ADAD2: variants seen among roughly 807,000 people sequenced by gnomAD.
The protein encoded by ADAD2 is adenosine deaminase domain-containing protein 2.
Under a neutral mutation model 54.5 loss-of-function variants are expected in ADAD2, and 60 were observed. The ratio of observed to expected loss-of-function variants is 1.10; its 90% CI spans 0.89 to 1.36. The LOEUF is 1.36. ADAD2 is among the 40% of genes most tolerant of loss of function. The pLI, the probability that ADAD2 is intolerant of heterozygous loss-of-function variation, is 0.00. For synonymous variants in ADAD2, 543 were observed against 366.2 expected, an observed-to-expected ratio of 1.48 and a Z score of -5.51; for missense variants, 1,103 against 801.3, an observed-to-expected ratio of 1.38 and a Z score of -4.54.
intron 1 of ADAD2, 67 bp downstream of exon 1, chr16:84,191,715 G>A: frequency 6.5e-7 from 1 of 1,537,252 alleles, no homozygotes; most frequent in Non-Finnish European, 8.7e-7. Context: ...CCCAGGACGT[G>A]GGGAGCAGGG....
intron 1 of ADAD2, chr16:84,193,844 C>A (rs191653737): frequency 2.3e-4 from 167 of 736,700 alleles, no homozygotes; most frequent in Non-Finnish European, 3.2e-4. Context: ...AATGGGTTCC[C>A]TTCCAAAAGG....
chr16:84,196,872 T>C lies in ADAD2; in HGVS notation c.1650T>C (p.Ala550=). The change falls in exon 10 of 10, where the codon GCT becomes GCC. Residue 550 remains alanine, a splice_region_variant and synonymous_variant. Transcript: ENST00000315906. The part of the protein sequence containing the change: ...LALKTYEAAK[A]GPYQEARRQL... ...CCACCTCTCATCTCCCGCCCTAGGC[T>C]GGGCCCTACCAGGAGGCTCGCAGGC... is the stretch of plus-strand genomic sequence containing the variant. 6.3e-7 allele frequency: 1 copy of C among 1,593,982 alleles called. No individual in the cohort carries two copies. Among genetic ancestry groups the C allele is most frequent in the South Asian group, 1.1e-5 (1 of 88,472 alleles).
chr16:84,194,365 G>A lies in ADAD2; in HGVS notation c.419-77G>A, dbSNP rs1392914092. 2.6e-6 allele frequency: 4 copies of A among 1,559,958 alleles called. No individual in the cohort carries two copies. The African/African-American group carries it at 5.4e-5, about 21-fold the overall frequency. On this transcript the variant is annotated intron_variant, in intron 1 of 9. Transcript: ENST00000315906. Reference sequence around the variant, plus strand: ...ATTCTGACCGTCCTCGATATCAGGTGTCAGGAGGAGGCAGAGGTGGTACCT... The same window carrying A: ...ATTCTGACCGTCCTCGATATCAGGTATCAGGAGGAGGCAGAGGTGGTACCT...
rs1223960425 is a variant in ADAD2, at chr16:84,196,866, C to T, written c.1648-4C>T. 6.3e-7 allele frequency: 1 copy of T among 1,592,088 alleles called. No individual in the cohort carries two copies. Reference sequence around the variant, plus strand: ...CTCACCCCACCTCTCATCTCCCGCCCTAGGCTGGGCCCTACCAGGAGGCTC... The same window carrying T: ...CTCACCCCACCTCTCATCTCCCGCCTTAGGCTGGGCCCTACCAGGAGGCTC... On this transcript the variant is annotated splice_polypyrimidine_tract_variant and splice_region_variant and intron_variant, in intron 9 of 9. Coordinates refer to ENST00000315906, the MANE Select transcript of ADAD2 (RefSeq NM_001145400.2).
In ADAD2 at chr16:84,195,303, G is replaced by C. The variant is rs374108586; in HGVS notation, c.741G>C (p.Pro247=). 16 of 1,611,180 alleles carry C rather than the reference G, an allele frequency of 9.9e-6. No homozygotes were observed. The highest frequency in any genetic ancestry group is 1.3e-5 in the Non-Finnish European group (15 of 1,179,806). ...CTGCCCCCTCCTGCACAGAGATCCC[G>C]CGTGCCAGGGGCCACGTGAAGGAGA... is the stretch of plus-strand genomic sequence containing the variant. ...VAGVILEREI[P]RARGHVKEIY... is the part of the protein sequence containing the mutation. Residue 247 remains proline (P), a synonymous_variant, in exon 5 of 10, where the codon CCG becomes CCC. Coordinates refer to ENST00000315906, the MANE Select transcript of ADAD2 (RefSeq NM_001145400.2).
Position 84,196,213 on chromosome 16 carries a change from C to T in ADAD2, c.1369C>T (p.Pro457Ser), listed in dbSNP as rs1271089923. Residue 457 changes from proline to serine, a missense_variant, in exon 8 of 10, where the codon CCT becomes TCT. Coordinates refer to ENST00000315906, the MANE Select transcript of ADAD2 (RefSeq NM_001145400.2). Reference sequence around the variant, plus strand: ...CAGTGTCCTGGGGCCATGCCTGCCACCTCCCTACGTCCGGACCGCCCTGCA... The same window carrying T: ...CAGTGTCCTGGGGCCATGCCTGCCATCTCCCTACGTCCGGACCGCCCTGCA... The part of the protein sequence containing the change: ...LDSVLGPCLP[P>S]PYVRTALHLF... The T allele has an allele frequency of 6.2e-7, 1 of 1,610,790 alleles. No homozygotes were observed.
chr16:84,196,408 G>T, intron 8 of ADAD2, 38 bp downstream of exon 8: 2 of 1,589,514 alleles, frequency 1.3e-6, no homozygotes, highest in Non-Finnish European at 1.7e-6. Flanking sequence ...GTGGAGCAGT[G>T]CTGGTGATGG....
Position 84,191,568 on chromosome 16 carries a change from C to T in ADAD2, c.338C>T (p.Ala113Val). 6.5e-7 allele frequency: 1 copy of T among 1,549,178 alleles called. No individual in the cohort carries two copies. Among genetic ancestry groups the T allele is most frequent in the East Asian group, 2.4e-5 (1 of 40,930 alleles). The change falls in exon 1 of 10, where the codon GCC becomes GTC. Residue 113 changes from alanine (A) to valine (V), a missense_variant. Transcript: ENST00000315906. ...GLSLPLKDPP[A>V]SQAVSLLTEY... ...AGCCTGCCGCTCAAAGACCCACCTG[C>T]CAGCCAGGCCGTGTCCTTGCTCACG...
chr16:84,195,181 C>A lies in ADAD2; in HGVS notation c.720C>A (p.Val240=). ...YWACKGTVAG[V]ILEREIPRAR... ...CCTGTAAGGGGACTGTGGCTGGAGTCATCCTGGAGAGGGGTAGGGATCGCC... is the reference window on the plus strand; with the variant it reads ...CCTGTAAGGGGACTGTGGCTGGAGTAATCCTGGAGAGGGGTAGGGATCGCC... Residue 240 remains valine (V), a synonymous_variant, in exon 4 of 10, where the codon GTC becomes GTA. Coordinates refer to ENST00000315906, the MANE Select transcript of ADAD2 (RefSeq NM_001145400.2). 1 of 1,613,054 alleles carries A rather than the reference C, an allele frequency of 6.2e-7. No homozygotes were observed. The highest frequency in any genetic ancestry group is 1.1e-5 in the South Asian group (1 of 91,034).
chr16:84,196,493 C>T, intron 8 of ADAD2, 123 bp downstream of exon 8: 1 of 1,358,454 alleles, frequency 7.4e-7, no homozygotes, highest in Non-Finnish European at 1.0e-6. Flanking sequence ...TCGCTCAACC[C>T]CTTCCTAGCT....
intron 1 of ADAD2, chr16:84,191,855 AT>A: frequency 1.4e-6 from 1 of 739,392 alleles, no homozygotes; most frequent in Non-Finnish European, 2.3e-6. Flanking sequence ...GCCACACCAG[AT>A]GCTCAACTGT....
Position 84,194,938 on chromosome 16 carries a change from C to G in ADAD2, c.565C>G (p.Pro189Ala). Residue 189 changes from proline (P) to alanine (A), a missense_variant, in exon 3 of 10, where the codon CCC (proline) becomes GCC (alanine). Transcript: ENST00000315906. ...GCCCTCCTTGCCTCTTTCAGAGTCC[C>G]CCCAGACCTCCAGCCGGCCTCCACT... ...IRSQLENPESPQTSSRPPLAP... is the reference protein window; with the variant it reads ...IRSQLENPESAQTSSRPPLAP... 1 of 1,609,698 alleles carries G rather than the reference C, an allele frequency of 6.2e-7. No homozygotes were observed. The highest frequency in any genetic ancestry group is 8.5e-7 in the Non-Finnish European group (1 of 1,177,804).
At position 84,194,966 on chromosome 16, in the gene ADAD2, C is replaced by A. The variant is rs983695805; in HGVS notation, c.593C>A (p.Ala198Asp). The A allele has an allele frequency of 3.1e-6, 5 of 1,611,646 alleles. No homozygotes were observed. The highest frequency in any genetic ancestry group is 1.7e-5 in the Admixed American group (1 of 59,838). Residue 198 changes from alanine (A) to aspartate (D), a missense_variant, in exon 3 of 10, where the codon GCC (alanine) becomes GAC (aspartate). Ala to Asp is a moderately radical substitution (Grantham distance 126). Coordinates refer to ENST00000315906, the MANE Select transcript of ADAD2 (RefSeq NM_001145400.2). ...CAGACCTCCAGCCGGCCTCCACTGGCCCCCCTGAGCGTAGGTAGGTGAGCA... is the reference window on the plus strand; with the variant it reads ...CAGACCTCCAGCCGGCCTCCACTGGACCCCCTGAGCGTAGGTAGGTGAGCA... ...SPQTSSRPPL[A>D]PLSVENILTH...
chr16:84,191,732 G>C (rs190742693), intron 1 of ADAD2, 84 bp downstream of exon 1: 133 of 1,528,446 alleles, frequency 8.7e-5, no homozygotes, highest in Middle Eastern at 8.5e-4. Flanking sequence ...AGGGGGTCTG[G>C]GGAAGGTGGA....
chr16:84,193,933 T>C (rs2089689865), intron 1 of ADAD2: 1 of 1,408,146 alleles, frequency 7.1e-7, no homozygotes, highest in Non-Finnish European at 9.7e-7. Flanking sequence ...CCTTTGACCA[T>C]GTGATCCCAG....
At position 84,191,280 on chromosome 16, in the gene ADAD2, C is replaced by G. The variant is rs752545898; in HGVS notation, c.50C>G (p.Pro17Arg). The change falls in exon 1 of 10, where the codon CCC becomes CGC. Residue 17 changes from proline to arginine, a missense_variant. Pro to Arg is a moderately radical substitution (Grantham distance 103). Transcript: ENST00000315906. Reference sequence around the variant, plus strand: ...GACGACGACGGCAGTCGTAGGAAGCCCCGCCTGGCTGCATCGTTGCAGATC... The same window carrying G: ...GACGACGACGGCAGTCGTAGGAAGCGCCGCCTGGCTGCATCGTTGCAGATC... ...GADDDGSRRK[P>R]RLAASLQISP... 1 of 1,603,242 alleles carries G rather than the reference C, an allele frequency of 6.2e-7. No homozygotes were observed. Among genetic ancestry groups the G allele is most frequent in the East Asian group, 2.2e-5 (1 of 44,586 alleles).
In ADAD2 at chr16:84,196,157, G is replaced by A. The variant is rs768684905; in HGVS notation, c.1313G>A (p.Ser438Asn). 37 of 1,605,476 alleles carry A rather than the reference G, an allele frequency of 2.3e-5. 3 individuals are homozygous for A. The South Asian group carries it at 3.7e-4, about 16-fold the overall frequency. ...TCATGCCACGACCCTCCGACTCTGA[G>A]CAGGGCCATCCACACCCGGCCCTGC... is the stretch of plus-strand genomic sequence containing the variant. ...ADSCHDPPTL[S>N]RAIHTRPCLD... The change falls in exon 8 of 10, where the codon AGC becomes AAC. Residue 438 changes from serine to asparagine, a missense_variant. Coordinates refer to ENST00000315906, the MANE Select transcript of ADAD2 (RefSeq NM_001145400.2).
In ADAD2 at chr16:84,194,332, G is replaced by A. The variant is rs755836918; in HGVS notation, c.419-110G>A. ...CTGGAGGAAGGGAAGGGTGGTGAGG[G>A]TCTCATTATTCTGACCGTCCTCGAT... On this transcript the variant is annotated intron_variant, in intron 1 of 9. Transcript: ENST00000315906. The A allele has an allele frequency of 6.5e-6, 10 of 1,543,760 alleles. No homozygotes were observed. In the African/African-American group the frequency reaches 1.1e-4, roughly 17 times the overall value.
chr16:84,196,853 C>G lies in ADAD2; in HGVS notation c.1648-17C>G, dbSNP rs116626686. On this transcript the variant is annotated splice_polypyrimidine_tract_variant and intron_variant, in intron 9 of 9. Transcript: ENST00000315906. Reference sequence around the variant, plus strand: ...GCAGGTACCTCCTCTCACCCCACCTCTCATCTCCCGCCCTAGGCTGGGCCC... The same window carrying G: ...GCAGGTACCTCCTCTCACCCCACCTGTCATCTCCCGCCCTAGGCTGGGCCC... The G allele has an allele frequency of 2.8e-3, 4,528 of 1,591,258 alleles. 118 individuals are homozygous for G. In the African/African-American group the frequency reaches 0.053, roughly 18 times the overall value.
Sources: gnomAD v4.1 joint callset for allele counts on GRCh38, gnomAD v4.1.1 for gene constraint, MANE v1.5 for transcripts, NCBI Gene and HGNC (gene_info 2026-07-23, HGNC 2026-07-21) for gene names.